PLEKHA8: variants seen among roughly 807,000 people sequenced by gnomAD.
PLEKHA8 encodes pleckstrin homology domain-containing family A member 8.
A neutral mutation model predicts 68.2 loss-of-function variants in PLEKHA8; 36 were observed. The observed-to-expected ratio is 0.53, with a 90% CI of 0.40 to 0.70. PLEKHA8 has a LOEUF of 0.70. Ranked by LOEUF, PLEKHA8 falls within the 30% of genes least tolerant of loss-of-function variation. The probability of loss-of-function intolerance (pLI) is 0.00; values close to 1 mark genes in which losing one functional copy is unlikely to be tolerated. For missense variants in PLEKHA8, 505 were observed against 615.4 expected (o/e 0.82, Z 1.90); for synonymous variants, 211 against 216.1 (o/e 0.98, Z 0.20).
chr7:30,129,163 A>G, intron 13 of PLEKHA8: 1 of 1,531,738 alleles, frequency 6.5e-7, no homozygotes, highest in Non-Finnish European at 9.0e-7. Flanking sequence ...CTACTGATAC[A>G]AAGGAAACAA....
Position 30,078,693 on chromosome 7 carries a change from A to T in PLEKHA8, c.1466A>T (p.Asp489Val), listed in dbSNP as rs775583598. The change falls in exon 14 of 14, where the codon GAC (aspartate) becomes GTC (valine). Residue 489 changes from aspartate (D) to valine (V), a missense_variant. Transcript: ENST00000449726. Reference sequence around the variant, plus strand: ...GCTTTCAGTATTGGGATGCAGAGGGACCTCAGCCTTTACCTCCCTGCCATG... The same window carrying T: ...GCTTTCAGTATTGGGATGCAGAGGGTCCTCAGCCTTTACCTCCCTGCCATG... ...KEAFSIGMQR[D>V]LSLYLPAMEK... 5 of 1,613,802 alleles carry T rather than the reference A, an allele frequency of 3.1e-6. No individual in the cohort carries two copies. Among genetic ancestry groups the T allele is most frequent in the Non-Finnish European group, 3.4e-6 (4 of 1,179,826 alleles).
chr7:30,056,326 A>ATAT (rs1554385064), intron 9 of PLEKHA8, among the ~76,000 whole-genome samples: 3 of 131,594 alleles, frequency 2.3e-5, no homozygotes, highest in East Asian at 2.2e-4. Context: ...ATATATATAT[A>ATAT]TATATAAATA....
intron 9 of PLEKHA8, among the ~76,000 whole-genome samples, chr7:30,056,280 C>CAT (rs1562869732): frequency 4.5e-4 from 24 of 53,654 alleles, no homozygotes; most frequent in Non-Finnish European, 8.5e-4. Context: ...AAGATATATT[C>CAT]TCTCTCTCTC....
chr7:30,046,741 T>C (rs1171325179), intron 3 of PLEKHA8, among the ~76,000 whole-genome samples: 1 of 152,136 alleles, frequency 6.6e-6, no homozygotes, highest in Non-Finnish European at 1.5e-5. Context: ...AATGGTGGAG[T>C]ATCCAGTCTG....
chr7:30,052,227 G>A (rs1792468027), intron 6 of PLEKHA8, among the ~76,000 whole-genome samples: 1 of 152,172 alleles, frequency 6.6e-6, no homozygotes, highest in South Asian at 2.1e-4. Context: ...CTAAATTGCA[G>A]CCTTGAGGCT....
exon 13 of PLEKHA8, chr7:30,090,405 C>T: frequency 2.1e-6 from 1 of 484,732 alleles, no homozygotes; most frequent in South Asian, 3.7e-5. Context: ...TTCTCTTAAG[C>T]AGGTAAGAAC....
At chr7:30,118,791 A>G (rs866113803) in intron 13 of PLEKHA8, among the ~76,000 whole-genome samples, 3 of 151,684 alleles carry the variant, frequency 2.0e-5, no homozygotes, top group Non-Finnish European at 1.5e-5. Flanking sequence ...GTTAGCCAGG[A>G]TGATCTCGAT....
intron 13 of PLEKHA8, among the ~76,000 whole-genome samples, chr7:30,116,279 T>TATACATGTATGTATTC (rs1402259696): frequency 3.0e-4 from 45 of 151,714 alleles, no homozygotes; most frequent in African/African-American, 1.0e-3. Context: ...TGTATGTATG[T>TATACATGTATGTATTC]ATACATGTAT....
Position 30,081,907 on chromosome 7 carries a change from GT to G in PLEKHA8, c.*3121del. ...AACAAAATATTTTCAATGATGGCAA[GT>G]CTCTTGACTTTTGAAAGCAAGTCAG... is the stretch of plus-strand genomic sequence containing the variant. On this transcript the variant is annotated 3_prime_UTR_variant, in exon 14 of 14. Transcript: ENST00000449726. 1 of 979,526 alleles carries G rather than the reference GT, an allele frequency of 1.0e-6. No individual in the cohort carries two copies. The highest frequency in any genetic ancestry group is 1.2e-6 in the Non-Finnish European group (1 of 824,626). 60.7% of individuals were successfully genotyped at this position (979,526 alleles called of 1,614,324 possible).
In PLEKHA8 at chr7:30,052,694, T is replaced by C. The variant is rs537708799; in HGVS notation, c.639-15T>C. 7.2e-6 allele frequency: 11 copies of C among 1,530,488 alleles called. No individual in the cohort carries two copies. Among genetic ancestry groups the C allele is most frequent in the East Asian group, 7.1e-5 (3 of 42,050 alleles). 94.8% of individuals were successfully genotyped at this position (1,530,488 alleles called of 1,614,324 possible). On this transcript the variant is annotated splice_polypyrimidine_tract_variant and intron_variant, in intron 6 of 13. Coordinates refer to ENST00000449726, the MANE Select transcript of PLEKHA8 (RefSeq NM_001197026.2). ...AACGACCTTCTGGCTTTTTTTCCTT[T>C]TAAAAAATTTGCAGGCAAATGGAGT...
downstream of PLEKHA8, among the ~76,000 whole-genome samples, chr7:30,084,823 G>T (rs1410815541): frequency 1.3e-5 from 2 of 152,048 alleles, no homozygotes; most frequent in African/African-American, 4.8e-5. Context: ...TTATCCTCAG[G>T]TTACAGCTGG....
intron 9 of PLEKHA8, among the ~76,000 whole-genome samples, chr7:30,056,785 G>GTA (rs1185665108): frequency 2.7e-4 from 22 of 82,348 alleles, no homozygotes; most frequent in African/African-American, 6.5e-4. Flanking sequence ...GTGTGTGTGT[G>GTA]TATATATATA....
At chr7:30,077,252 T>TC (rs989728045) in intron 13 of PLEKHA8, among the ~76,000 whole-genome samples, 2 of 152,160 alleles carry the variant, frequency 1.3e-5, no homozygotes, top group Non-Finnish European at 2.9e-5. Context: ...AGATTGTTTT[T>TC]CCCCACATTC....
At chr7:30,036,891 T>C (rs1483723870) in intron 1 of PLEKHA8, among the ~76,000 whole-genome samples, 1 of 152,198 alleles carries the variant, frequency 6.6e-6, no homozygotes, top group Non-Finnish European at 1.5e-5. Context: ...ACTGTTACAA[T>C]GAGGAGTGTT....
chr7:30,081,624 C>T lies in PLEKHA8; in HGVS notation c.*2837C>T. 2.0e-6 allele frequency: 2 copies of T among 985,190 alleles called. No individual in the cohort carries two copies. The highest frequency in any genetic ancestry group is 1.1e-4 in the East Asian group (1 of 8,816). 61.0% of individuals were successfully genotyped at this position (985,190 alleles called of 1,614,324 possible). A position where few individuals can be genotyped will look rare whatever the true frequency, so the allele number is the denominator to read the frequency against. On this transcript the variant is annotated 3_prime_UTR_variant, in exon 14 of 14. Transcript: ENST00000449726. The stretch of plus-strand genomic sequence containing the variant: ...ATTACTGTGAGAGGAGGTGAGAAAA[C>T]TCTAGTATTTTGTTGGCAGAGTAAT...
chr7:30,096,973 C>A (rs1051690042), intron 13 of PLEKHA8, among the ~76,000 whole-genome samples: 1 of 152,068 alleles, frequency 6.6e-6, no homozygotes, highest in Non-Finnish European at 1.5e-5. Context: ...ACCAGTTGTT[C>A]CTTTCCATGT....
At position 30,055,233 on chromosome 7, in the gene PLEKHA8, C is replaced by T. The variant is rs763978499; in HGVS notation, c.954-24C>T. On this transcript the variant is annotated intron_variant, in intron 8 of 13. Coordinates refer to ENST00000449726, the MANE Select transcript of PLEKHA8 (RefSeq NM_001197026.2). Reference sequence around the variant, plus strand: ...TGATACTGTATTTTCAATCTTTTCTCCTCCATATCACCAAATTATGTAGCT... The same window carrying T: ...TGATACTGTATTTTCAATCTTTTCTTCTCCATATCACCAAATTATGTAGCT... The T allele has an allele frequency of 7.5e-6, 12 of 1,599,158 alleles. No homozygotes were observed. The South Asian group carries it at 1.2e-4, about 16-fold the overall frequency.
At position 30,080,477 on chromosome 7, in the gene PLEKHA8, G is replaced by A. The variant is rs1036595179; in HGVS notation, c.*1690G>A. On this transcript the variant is annotated 3_prime_UTR_variant, in exon 14 of 14. Transcript: ENST00000449726. The stretch of plus-strand genomic sequence containing the variant: ...ATGCTGTTCCTGCTGCAGATCTCTA[G>A]GATGGAGAGAATTCTCTCTTTAGTC... 3.7e-5 allele frequency: 36 copies of A among 985,216 alleles called. No individual in the cohort carries two copies. The highest frequency in any genetic ancestry group is 9.4e-5 in the South Asian group (2 of 21,278). The allele number at this position is 985,216 out of a possible 1,614,324, so 61.0% of individuals were successfully genotyped here.
chr7:30,073,981 G>C, intron 12 of PLEKHA8, 90 bp from the exon 13 acceptor site: 1 of 1,079,284 alleles, frequency 9.3e-7, no homozygotes, highest in Non-Finnish European at 1.3e-6. Context: ...GCAAGACCCT[G>C]TCTCTTTAAA....
Sources: gnomAD v4.1 joint callset for allele counts (sites outside exome capture counted in the v4.1 genomes callset) on GRCh38, gnomAD v4.1.1 for gene constraint, MANE v1.5 for transcripts, NCBI Gene and HGNC (gene_info 2026-07-23, HGNC 2026-07-21) for gene names.